Variants in RANBP2 observed in about 807,000 individuals in gnomAD.
The protein encoded by RANBP2 is RAN binding protein 2.
A neutral mutation model predicts 303.6 loss-of-function variants in RANBP2; 57 were observed. That is an observed-to-expected ratio of 0.19 (90% CI 0.15 to 0.23). RANBP2 has a LOEUF of 0.23. RANBP2 is among the 10% of genes least tolerant of loss of function. RANBP2 has a pLI of 1.00. For synonymous variants in RANBP2, 1,167 were observed against 1,301.5 expected (o/e 0.90, Z 2.23); for missense variants, 3,138 against 3,780.8 (o/e 0.83, Z 4.46).
Position 108,764,804 on chromosome 2 carries a change from G to A in RANBP2, c.4265G>A (p.Ser1422Asn), listed in dbSNP as rs747511001. Residue 1422 changes from serine (S) to asparagine (N), a missense_variant, in exon 20 of 29, where the codon AGT becomes AAT. This residue lies in a region of RANBP2 where 388 missense variants were observed against 328.5 expected (regional missense o/e 1.18). Coordinates refer to ENST00000283195, the MANE Select transcript of RANBP2 (RefSeq NM_006267.5). ...AAGAAAGAAGGTCACTGGGATTGTAGTATTTGTTTAGTAAGAAATGAACCT... is the reference window on the plus strand; with the variant it reads ...AAGAAAGAAGGTCACTGGGATTGTAATATTTGTTTAGTAAGAAATGAACCT... The part of the protein sequence containing the change: ...TPKKEGHWDC[S>N]ICLVRNEPTV... 1.5e-5 allele frequency: 24 copies of A among 1,613,904 alleles called. No homozygotes were observed. Among genetic ancestry groups the A allele is most frequent in the East Asian group, 4.5e-5 (2 of 44,884 alleles).
chr2:109,525,998 G>A, the RANBP2 span, among the ~76,000 whole-genome samples: 1 of 152,126 alleles, frequency 6.6e-6, no homozygotes, highest in South Asian at 2.1e-4. Flanking sequence ...GGGAGGTGGT[G>A]TCACCCAGGT....
At chr2:109,429,922 G>C in the RANBP2 span, among the ~76,000 whole-genome samples, 1 of 151,658 alleles carries the variant, frequency 6.6e-6, no homozygotes, top group Non-Finnish European at 1.5e-5. Context: ...CCCAGCCCCA[G>C]TCAGCGGGTG....
chr2:109,601,731 A>G, the RANBP2 span, among the ~76,000 whole-genome samples: 2 of 151,968 alleles, frequency 1.3e-5, no homozygotes, highest in South Asian at 2.1e-4. Context: ...TTCCTTAAAT[A>G]TAAAGCTCAA....
the RANBP2 span, chr2:108,876,029 C>T: frequency 2.8e-6 from 3 of 1,066,406 alleles, no homozygotes; most frequent in Middle Eastern, 2.9e-4. Context: ...CTGTCAGTGT[C>T]ATTGCAGATA....
In RANBP2 at chr2:108,767,280, A is replaced by G. The variant is rs1334769256; in HGVS notation, c.6741A>G (p.Pro2247=). ...SVSSSSVHAS[P]LASSPVRKNL... ...GTAGTAGCTCAGTACATGCTTCTCC[A>G]TTGGCAAGTAGCCCTGTGAGAAAAA... Residue 2247 remains proline, a synonymous_variant, in exon 20 of 29, where the codon CCA becomes CCG. Transcript: ENST00000283195. 3.7e-6 allele frequency: 6 copies of G among 1,612,048 alleles called. No individual in the cohort carries two copies. The highest frequency in any genetic ancestry group is 2.2e-5 in the East Asian group (1 of 44,892).
the RANBP2 span, chr2:109,546,356 AATCTTT>A: frequency 1.5e-5 from 8 of 534,020 alleles, no homozygotes; most frequent in East Asian, 2.5e-4. Context: ...ACACAGTCAA[AATCTTT>A]CTGAAGTCTC....
the RANBP2 span, among the ~76,000 whole-genome samples, chr2:109,559,299 G>C: frequency 6.6e-6 from 1 of 152,116 alleles, no homozygotes; most frequent in Non-Finnish European, 1.5e-5. Flanking sequence ...AACCAGAAGA[G>C]ACATTTTGCC....
the RANBP2 span, among the ~76,000 whole-genome samples, chr2:109,407,346 G>A: frequency 1.3e-5 from 2 of 152,216 alleles, no homozygotes; most frequent in Non-Finnish European, 2.9e-5. Flanking sequence ...AAGTCTCTTC[G>A]TGTCTGAGAA....
the RANBP2 span, among the ~76,000 whole-genome samples, chr2:108,798,983 A>G: frequency 6.6e-6 from 1 of 152,156 alleles, no homozygotes; most frequent in Non-Finnish European, 1.5e-5. Context: ...AATGCTAACT[A>G]AATAACTTAT....
At chr2:109,477,613 G>GGTGTGTGTGTGTGT in the RANBP2 span, among the ~76,000 whole-genome samples, 1 of 149,352 alleles carries the variant, frequency 6.7e-6, no homozygotes, top group African/African-American at 2.5e-5. Flanking sequence ...GCCACAGATG[G>GGTGTGTGTGTGTGT]GTGTGTGTGT....
At chr2:109,681,019 A>G in the RANBP2 span, among the ~76,000 whole-genome samples, 11 of 152,274 alleles carry the variant, frequency 7.2e-5, no homozygotes, top group African/African-American at 1.9e-4. Flanking sequence ...ATTTGTAAAA[A>G]TAAAAAACTA....
chr2:109,521,806 C>G, the RANBP2 span, among the ~76,000 whole-genome samples: 1 of 152,184 alleles, frequency 6.6e-6, no homozygotes, highest in Non-Finnish European at 1.5e-5. Context: ...GCTTTTGACA[C>G]TTTAATTACA....
At chr2:109,165,967 C>G in the RANBP2 span, among the ~76,000 whole-genome samples, 5 of 152,194 alleles carry the variant, frequency 3.3e-5, no homozygotes. Flanking sequence ...GTCTTCCTTT[C>G]CTTTTTTTCC....
At chr2:108,812,258 C>T in the RANBP2 span, among the ~76,000 whole-genome samples, 1 of 151,988 alleles carries the variant, frequency 6.6e-6, no homozygotes, top group East Asian at 1.9e-4. Context: ...ACACATAGTC[C>T]CAGTAATGCA....
the RANBP2 span, among the ~76,000 whole-genome samples, chr2:109,199,039 G>A: frequency 2.0e-5 from 3 of 152,092 alleles, no homozygotes; most frequent in Non-Finnish European, 2.9e-5. Flanking sequence ...ACCGTCTTGA[G>A]TTTTTCTACA....
the RANBP2 span, among the ~76,000 whole-genome samples, chr2:109,391,356 G>T: frequency 6.6e-6 from 1 of 152,238 alleles, no homozygotes; most frequent in Non-Finnish European, 1.5e-5. Context: ...AAGAGGACAG[G>T]ATGGGAAAGG....
At chr2:108,987,300 G>A in the RANBP2 span, among the ~76,000 whole-genome samples, 2 of 152,246 alleles carry the variant, frequency 1.3e-5, no homozygotes, top group Admixed American at 6.5e-5. Context: ...TGAGACCTGA[G>A]GAACTTTGAC....
the RANBP2 span, among the ~76,000 whole-genome samples, chr2:109,427,920 C>T: frequency 2.0e-5 from 3 of 152,246 alleles, no homozygotes; most frequent in Non-Finnish European, 2.9e-5. Context: ...CAGGTGCTCG[C>T]GCACGCTCCT....
the RANBP2 span, among the ~76,000 whole-genome samples, chr2:109,207,505 G>A: frequency 6.6e-6 from 1 of 152,186 alleles, no homozygotes; most frequent in Non-Finnish European, 1.5e-5. Flanking sequence ...TGCCTTTGGA[G>A]AGATGCATGT....
Sources: gnomAD v4.1 joint callset for allele counts (sites outside exome capture counted in the v4.1 genomes callset) on GRCh38, gnomAD v4.1.1 for gene constraint, gnomAD v4.1.1 regional missense constraint, MANE v1.5 for transcripts, NCBI Gene and HGNC (gene_info 2026-07-23, HGNC 2026-07-21) for gene names.